PGM5: variants seen among roughly 807,000 people sequenced by gnomAD.
PGM5 encodes the protein phosphoglucomutase 5, also known as phosphoglucomutase-like protein 5.
PGM5 carries 23 observed loss-of-function variants against 59.2 expected under a neutral mutation model. The observed-to-expected ratio is 0.39, with a 90% CI of 0.28 to 0.55. PGM5 has a LOEUF of 0.55. PGM5 is among the 20% of genes least tolerant of loss of function. The pLI is 0.66. For synonymous variants in PGM5, 214 were observed against 286.0 expected, an observed-to-expected ratio of 0.75 and a Z score of 2.54; for missense variants, 574 against 748.3, an observed-to-expected ratio of 0.77 and a Z score of 2.72.
At chr9:68,490,379 G>A (rs1003298221) in intron 9 of PGM5, among the ~76,000 whole-genome samples, 3 of 152,134 alleles carry the variant, frequency 2.0e-5, no homozygotes, top group East Asian at 1.9e-4. Context: ...ACGGAGTCTC[G>A]CTCTGTCACC....
chr9:68,445,062 AAT>A (rs1486151278), intron 6 of PGM5, among the ~76,000 whole-genome samples: 2 of 152,162 alleles, frequency 1.3e-5, no homozygotes, highest in African/African-American at 2.4e-5. Context: ...AATCTTAAGA[AAT>A]ATATACTTTG....
intron 9 of PGM5, among the ~76,000 whole-genome samples, chr9:68,495,300 G>C (rs533073463): frequency 4.4e-4 from 67 of 152,318 alleles, no homozygotes; most frequent in African/African-American, 1.5e-3. Context: ...AGTAAGAGTA[G>C]AGTCAAGAAC....
intron 6 of PGM5, among the ~76,000 whole-genome samples, chr9:68,445,884 A>G (rs1158806299): frequency 6.6e-6 from 1 of 152,316 alleles, no homozygotes; most frequent in Admixed American, 6.5e-5. Context: ...TCTACCATGT[A>G]TCTGGGGATC....
chr9:68,371,085 A>T (rs1475554804), intron 1 of PGM5, among the ~76,000 whole-genome samples: 3 of 152,066 alleles, frequency 2.0e-5, no homozygotes, highest in Admixed American at 1.3e-4. Flanking sequence ...ACTAGGGTCC[A>T]CTTTGCCCCC....
Position 68,356,726 on chromosome 9 carries a change from G to A in PGM5, c.-402G>A, listed in dbSNP as rs1834448827. Among the ~76,000 whole-genome samples, 1 of 152,226 alleles carries A rather than the reference G, an allele frequency of 6.6e-6. No homozygotes were observed. Among genetic ancestry groups the A allele is most frequent in the Non-Finnish European group, 1.5e-5 (1 of 68,032 alleles). On this transcript the variant is annotated 5_prime_UTR_variant, in exon 1 of 11. Transcript: ENST00000396396. ...CGGAGGGTGTGCCCCGGAGGGCGGC[G>A]ATCGCGGGTGAAGGCTGGGGCCAGG...
At chr9:68,484,553 C>T (rs1554687403) in intron 9 of PGM5, among the ~76,000 whole-genome samples, 2 of 148,488 alleles carry the variant, frequency 1.3e-5, no homozygotes, top group African/African-American at 5.1e-5. Flanking sequence ...CACACACACA[C>T]ACACACACAC....
At chr9:68,501,235 C>T (rs1824568785) in intron 10 of PGM5, among the ~76,000 whole-genome samples, 1 of 152,170 alleles carries the variant, frequency 6.6e-6, no homozygotes, top group Non-Finnish European at 1.5e-5. Flanking sequence ...GTATGTAGCA[C>T]ATGATCTAGC....
chr9:68,362,122 A>G (rs370453979), intron 1 of PGM5, among the ~76,000 whole-genome samples: 2 of 146,784 alleles, frequency 1.4e-5, no homozygotes, highest in African/African-American at 2.5e-5. Flanking sequence ...TTCTATATAC[A>G]TGTTTTAGCT....
At chr9:68,458,522 T>C (rs1161439426) in intron 6 of PGM5, among the ~76,000 whole-genome samples, 2 of 152,234 alleles carry the variant, frequency 1.3e-5, no homozygotes, top group Admixed American at 6.5e-5. Flanking sequence ...TTAAGTGAAA[T>C]GTCCAGTACT....
intron 6 of PGM5, among the ~76,000 whole-genome samples, chr9:68,425,061 CAGTT>C (rs1383313130): frequency 1.2e-4 from 18 of 152,254 alleles, no homozygotes; most frequent in Non-Finnish European, 1.2e-4. Context: ...TTGAAATAAA[CAGTT>C]AGATAATTAT....
chr9:68,361,227 G>A (rs552141913), intron 1 of PGM5, among the ~76,000 whole-genome samples: 62 of 152,284 alleles, frequency 4.1e-4, no homozygotes, highest in African/African-American at 1.1e-3. Context: ...TTCTAATCAA[G>A]GGACACACAT....
intron 10 of PGM5, among the ~76,000 whole-genome samples, chr9:68,500,430 C>A: frequency 6.6e-6 from 1 of 151,830 alleles, no homozygotes; most frequent in South Asian, 2.1e-4. Flanking sequence ...GTAAAATCAT[C>A]CTAGATGGGA....
At chr9:68,434,316 C>CAAAAAAAAAAAA (rs71353054) in intron 6 of PGM5, among the ~76,000 whole-genome samples, 18 of 90,838 alleles carry the variant, frequency 2.0e-4, no homozygotes, top group South Asian at 4.4e-4. Flanking sequence ...GACTCCGTCT[C>CAAAAAAAAAAAA]AAAAAAAAAA....
Position 68,484,455 on chromosome 9 carries a change from G to A in PGM5, c.1479+407G>A, listed in dbSNP as rs564887907. On this transcript the variant is annotated intron_variant, in intron 9 of 10. Transcript: ENST00000396396. ...CTTAGGAGGCTAAGGTGGGAGGATC[G>A]CTTGAGCCCAAGAGGTCAAGTCTGC... Among the ~76,000 whole-genome samples the A allele has an allele frequency of 1.3e-4, 19 of 150,756 alleles. No individual in the cohort carries two copies. The East Asian group carries it at 2.1e-3, about 17-fold the overall frequency.
intron 6 of PGM5, chr9:68,402,587 A>G (rs1822700420): frequency 6.6e-6 from 1 of 152,250 alleles, no homozygotes; most frequent in African/African-American, 2.4e-5. Context: ...TGGAAAAGAC[A>G]TAACTTACAG....
At chr9:68,500,183 TACTC>T (rs1390377839) in intron 10 of PGM5, among the ~76,000 whole-genome samples, 4 of 152,218 alleles carry the variant, frequency 2.6e-5, no homozygotes, top group African/African-American at 7.2e-5. Flanking sequence ...AACAGAGAAA[TACTC>T]ACTGCTACTC....
chr9:68,492,388 T>C (rs561218682), intron 9 of PGM5, among the ~76,000 whole-genome samples: 2 of 152,336 alleles, frequency 1.3e-5, no homozygotes, highest in Non-Finnish European at 2.9e-5. Context: ...TCACCTAGCA[T>C]GGCTTTTCTA....
At chr9:68,521,801 A>G (rs947039714) in intron 10 of PGM5, among the ~76,000 whole-genome samples, 3 of 152,102 alleles carry the variant, frequency 2.0e-5, no homozygotes, top group African/African-American at 7.2e-5. Context: ...TAAACTGACA[A>G]CTCTTGCAGG....
intron 6 of PGM5, among the ~76,000 whole-genome samples, chr9:68,442,292 C>CT (rs376067350): frequency 3.5e-4 from 53 of 151,274 alleles, no homozygotes; most frequent in East Asian, 9.7e-4. Flanking sequence ...TTATTTTTTT[C>CT]TTTTTTTTTG....
Sources: allele counts gnomAD v4.1 joint callset (sites outside exome capture counted in the v4.1 genomes callset), GRCh38; gene constraint gnomAD v4.1.1; transcripts MANE v1.5; gene names NCBI Gene and HGNC (gene_info 2026-07-23, HGNC 2026-07-21).